The following ZFAND1 variants were observed in gnomAD, a reference collection of about 807,000 sequenced individuals.
ZFAND1 encodes the protein zinc finger AN1-type containing 1, also known as AN1-type zinc finger protein 1.
Under a neutral mutation model 38.5 loss-of-function variants are expected in ZFAND1, and 40 were observed. The observed-to-expected ratio is 1.04, with a 90% CI of 0.81 to 1.35. The LOEUF (loss-of-function observed/expected upper bound fraction) is 1.35. Among genes scored for constraint, ZFAND1 ranks in the 40% most tolerant of loss-of-function variants. The pLI is 0.00. For missense variants in ZFAND1, 346 were observed against 316.3 expected, an observed-to-expected ratio of 1.09 and a Z score of -0.71; for synonymous variants, 117 against 103.6, an observed-to-expected ratio of 1.13 and a Z score of -0.78.
intron 6 of ZFAND1, among the ~76,000 whole-genome samples, chr8:81,704,211 C>T (rs1807902135): frequency 2.0e-5 from 3 of 152,026 alleles, no homozygotes; most frequent in Admixed American, 2.0e-4. Flanking sequence ...ATCTTATCTG[C>T]CCTCTCCTTA....
intron 1 of ZFAND1, among the ~76,000 whole-genome samples, chr8:81,719,647 TC>T (rs778513568): frequency 2.0e-4 from 30 of 152,080 alleles, no homozygotes; most frequent in Middle Eastern, 3.2e-3. Flanking sequence ...CAAGACAACT[TC>T]CCAGCACCTG....
At chr8:81,708,013 C>T (rs1808031843) in intron 6 of ZFAND1, among the ~76,000 whole-genome samples, 1 of 152,176 alleles carries the variant, frequency 6.6e-6, no homozygotes, top group Admixed American at 6.5e-5. Flanking sequence ...CCTTGGGAGG[C>T]TGAGGCAGGT....
intron 6 of ZFAND1, among the ~76,000 whole-genome samples, 165 bp downstream of exon 6, chr8:81,713,753 A>G (rs898604243): frequency 6.6e-6 from 1 of 152,248 alleles, no homozygotes; most frequent in Non-Finnish European, 1.5e-5. Flanking sequence ...ATAAAGTGAA[A>G]AAACTCAAAA....
intron 1 of ZFAND1, 108 bp downstream of exon 1, chr8:81,721,119 C>T: frequency 7.3e-7 from 1 of 1,363,542 alleles, no homozygotes; most frequent in East Asian, 2.5e-5. Flanking sequence ...CTCCTCAGGC[C>T]CTGCCCAGCC....
chr8:81,702,931 T>C, intron 7 of ZFAND1, 38 bp downstream of exon 7: 1 of 1,501,874 alleles, frequency 6.7e-7, no homozygotes. Flanking sequence ...TCATAAAACC[T>C]TTATTAATAT....
rs1023736032 is a variant in ZFAND1 at position 81,701,475 on chromosome 8, T to G, written c.*1220A>C. On this transcript the variant is annotated 3_prime_UTR_variant, in exon 8 of 8. Transcript: ENST00000220669. The stretch of plus-strand genomic sequence containing the variant: ...GGAAACAAAAAAAAATTTGTCTGGC[T>G]CAATATACTCCAATATTTGCTTTGT... 6.6e-6 allele frequency: 1 copy of G among 152,178 alleles called. No homozygotes were observed. Among genetic ancestry groups the G allele is most frequent in the African/African-American group, 2.4e-5 (1 of 41,432 alleles). The allele number at this position is 152,178 out of a possible 1,614,324, so 9.4% of individuals were successfully genotyped here. A position where few individuals can be genotyped will look rare whatever the true frequency, so the allele number is the denominator to read the frequency against.
At chr8:81,706,655 A>C (rs1807993134) in intron 6 of ZFAND1, among the ~76,000 whole-genome samples, 1 of 152,028 alleles carries the variant, frequency 6.6e-6, no homozygotes, top group Non-Finnish European at 1.5e-5. Flanking sequence ...TGAAAAATGA[A>C]ATAATGAGTA....
At chr8:81,720,051 A>C (rs557937475) in intron 1 of ZFAND1, among the ~76,000 whole-genome samples, 1 of 152,346 alleles carries the variant, frequency 6.6e-6, no homozygotes, top group East Asian at 1.9e-4. Context: ...AGAAATCACT[A>C]ATCAATTATG....
At chr8:81,715,418 T>C (rs972205297) in intron 3 of ZFAND1, among the ~76,000 whole-genome samples, 4 of 152,184 alleles carry the variant, frequency 2.6e-5, no homozygotes, top group Admixed American at 6.5e-5. Flanking sequence ...CCCTATGATA[T>C]GCTCAGGTAA....
At chr8:81,714,961 T>G in intron 4 of ZFAND1, 26 bp downstream of exon 4, 1 of 1,614,052 alleles carries the variant, frequency 6.2e-7, no homozygotes, top group Non-Finnish European at 8.5e-7. Context: ...ATATACAAAG[T>G]GTGAACAGCC....
rs754440865 is a variant in ZFAND1 at position 81,703,084 on chromosome 8, C to T, written c.521G>A (p.Ser174Asn). 4 of 1,568,672 alleles carry T rather than the reference C, an allele frequency of 2.5e-6. No individual in the cohort carries two copies. The South Asian group carries it at 3.5e-5, about 14-fold the overall frequency. Residue 174 changes from serine (S) to asparagine (N), a missense_variant, in exon 7 of 8, where the codon AGC becomes AAC. Physicochemically the swap from Ser to Asn is conservative, Grantham distance 46 (BLOSUM62 1). Coordinates refer to ENST00000220669, the MANE Select transcript of ZFAND1 (RefSeq NM_024699.3). Reference sequence around the variant, plus strand: ...GAACATTGGTTTGCTCTTCTCTTTGCTCCCTTTAGGTAAGAAAACCTGAAA... The same window carrying T: ...GAACATTGGTTTGCTCTTCTCTTTGTTCCCTTTAGGTAAGAAAACCTGAAA... ...IYFQVFLPKG[S>N]KEKSKPMFFC...
Position 81,721,288 on chromosome 8 carries a change from G to C in ZFAND1, c.-7C>G, listed in dbSNP as rs1340965633. On this transcript the variant is annotated 5_prime_UTR_variant, in exon 1 of 8. Coordinates refer to ENST00000220669, the MANE Select transcript of ZFAND1 (RefSeq NM_024699.3). ...CGATGTCCAACTCCGCCATCTCTCC[G>C]GCGCCGTAAGGGGCGGGGCAAAGCC... The C allele has an allele frequency of 3.9e-6, 6 of 1,548,034 alleles. No homozygotes were observed. Among genetic ancestry groups the C allele is most frequent in the Non-Finnish European group, 3.5e-6 (4 of 1,146,944 alleles).
chr8:81,711,673 A>G (rs1390870113), intron 6 of ZFAND1, among the ~76,000 whole-genome samples: 3 of 152,202 alleles, frequency 2.0e-5, no homozygotes, highest in Non-Finnish European at 4.4e-5. Context: ...ATTAAGGAAG[A>G]AGCAGAATGA....
At chr8:81,706,702 A>C (rs1807994954) in intron 6 of ZFAND1, among the ~76,000 whole-genome samples, 1 of 152,096 alleles carries the variant, frequency 6.6e-6, no homozygotes, top group Admixed American at 6.5e-5. Flanking sequence ...CTTATTTGTT[A>C]ATGAGGAATA....
intron 3 of ZFAND1, 59 bp from the exon 4 acceptor site, chr8:81,715,173 T>C: frequency 6.3e-7 from 1 of 1,575,270 alleles, no homozygotes; most frequent in Non-Finnish European, 8.7e-7. Context: ...AATCAATGTG[T>C]CTTATTCTAG....
chr8:81,719,859 G>A (rs1808423774), intron 1 of ZFAND1, among the ~76,000 whole-genome samples: 2 of 152,184 alleles, frequency 1.3e-5, no homozygotes, highest in South Asian at 2.1e-4. Context: ...ACTCACTAGC[G>A]AAGGATCAGG....
intron 5 of ZFAND1, chr8:81,714,280 G>T: frequency 2.6e-6 from 1 of 388,328 alleles, no homozygotes. Context: ...TTCAACTTAA[G>T]CCTATTTAAC....
Position 81,702,588 on chromosome 8 carries a change from A to T in ZFAND1, c.*107T>A, listed in dbSNP as rs976000549. ...AATGTGACATAAGGGGAAATAAGTT[A>T]AAAAGCAACTTTTAAAAATTACAAA... On this transcript the variant is annotated 3_prime_UTR_variant, in exon 8 of 8. Coordinates refer to ENST00000220669, the MANE Select transcript of ZFAND1 (RefSeq NM_024699.3). The T allele has an allele frequency of 7.8e-6, 8 of 1,019,358 alleles. No homozygotes were observed. In the African/African-American group the frequency reaches 1.3e-4, roughly 17 times the overall value. The allele number at this position is 1,019,358 out of a possible 1,614,324, so 63.1% of individuals were successfully genotyped here.
chr8:81,721,132 G>T, intron 1 of ZFAND1, 95 bp downstream of exon 1: 1 of 1,462,878 alleles, frequency 6.8e-7, no homozygotes, highest in Non-Finnish European at 9.3e-7. Flanking sequence ...GCCCAGCCTT[G>T]TGGCCTCCCT....
Sources: allele counts gnomAD v4.1 joint callset (sites outside exome capture counted in the v4.1 genomes callset), GRCh38; gene constraint gnomAD v4.1.1; transcripts MANE v1.5; gene names NCBI Gene and HGNC (gene_info 2026-07-23, HGNC 2026-07-21).